The following STXBP5L variants were observed in gnomAD, a reference collection of about 807,000 sequenced individuals.
STXBP5L encodes syntaxin-binding protein 5-like.
In STXBP5L, 65 loss-of-function variants were observed where a neutral mutation model predicts 144.5. The ratio of observed to expected loss-of-function variants is 0.45; its 90% CI spans 0.37 to 0.55. The LOEUF is 0.55. STXBP5L is among the 20% of genes least tolerant of loss of function. The pLI, the probability that STXBP5L is intolerant of heterozygous loss-of-function variation, is 0.00. For synonymous variants in STXBP5L, 505 were observed against 469.6 expected, an observed-to-expected ratio of 1.08 and a Z score of -0.97; for missense variants, 1,298 against 1,405.5, an observed-to-expected ratio of 0.92 and a Z score of 1.22.
chr3:121,147,777 A>T (rs74382516), intron 7 of STXBP5L, among the ~76,000 whole-genome samples: 15,161 of 152,218 alleles, frequency 0.1, 953 homozygotes, highest in Non-Finnish European at 0.14. Flanking sequence ...GGTCTCATCA[A>T]TCAGCTGAAG....
intron 3 of STXBP5L, among the ~76,000 whole-genome samples, chr3:120,998,493 A>G (rs1210282648): frequency 6.6e-6 from 1 of 152,032 alleles, no homozygotes; most frequent in African/African-American, 2.4e-5. Flanking sequence ...TCAACCCATC[A>G]TCTACATTAG....
At chr3:121,401,410 C>T (rs961605634) in intron 22 of STXBP5L, among the ~76,000 whole-genome samples, 2 of 150,046 alleles carry the variant, frequency 1.3e-5, no homozygotes, top group Admixed American at 6.7e-5. Context: ...ACCCAAAGGA[C>T]TATAAATCAT....
intron 3 of STXBP5L, among the ~76,000 whole-genome samples, chr3:120,964,409 T>C (rs1292589391): frequency 6.6e-6 from 1 of 152,224 alleles, no homozygotes; most frequent in Non-Finnish European, 1.5e-5. Flanking sequence ...TTGTGGGCTT[T>C]TAGTGCTATA....
chr3:121,134,902 A>G (rs2045173305), intron 7 of STXBP5L, among the ~76,000 whole-genome samples: 1 of 152,166 alleles, frequency 6.6e-6, no homozygotes, highest in Admixed American at 6.5e-5. Flanking sequence ...ATGATTTATA[A>G]TCCTTTGGGT....
At chr3:121,202,534 ACTTT>A (rs1187969118) in intron 9 of STXBP5L, among the ~76,000 whole-genome samples, 5 of 152,118 alleles carry the variant, frequency 3.3e-5, no homozygotes, top group African/African-American at 1.2e-4. Context: ...TTGCTGGGTC[ACTTT>A]CTTTCAGCCT....
At chr3:121,194,432 G>A (rs1016129965) in intron 9 of STXBP5L, among the ~76,000 whole-genome samples, 1 of 59,798 alleles carries the variant, frequency 1.7e-5, no homozygotes, top group African/African-American at 7.1e-5. Flanking sequence ...TGCTTTTTGA[G>A]GCCTAGGCAG....
chr3:121,035,775 A>G (rs772943287), intron 3 of STXBP5L, among the ~76,000 whole-genome samples: 1 of 152,114 alleles, frequency 6.6e-6, no homozygotes, highest in Non-Finnish European at 1.5e-5. Flanking sequence ...ATTGCATTGA[A>G]TCTGTAGATT....
intron 3 of STXBP5L, among the ~76,000 whole-genome samples, chr3:121,034,098 G>A (rs1946579740): frequency 6.6e-6 from 1 of 152,040 alleles, no homozygotes; most frequent in African/African-American, 2.4e-5. Flanking sequence ...ATGGAGGTTA[G>A]TGATATAAAC....
At chr3:120,947,290 C>A (rs185814751) in intron 2 of STXBP5L, among the ~76,000 whole-genome samples, 1 of 151,906 alleles carries the variant, frequency 6.6e-6, no homozygotes, top group African/African-American at 2.4e-5. Flanking sequence ...AAACTCTGTT[C>A]TACATTTTCT....
rs867018788 is a variant in STXBP5L, at chr3:121,115,151, A to G, written c.605+92A>G. 7.7e-5 allele frequency: 93 copies of G among 1,208,600 alleles called. 1 individual carries two copies. The highest frequency in any genetic ancestry group is 7.1e-4 in the South Asian group (44 of 61,904). The allele number at this position is 1,208,600 out of a possible 1,614,324, so 74.9% of individuals were successfully genotyped here. On this transcript the variant is annotated intron_variant, in intron 6 of 26. Coordinates refer to ENST00000471454, the MANE Select transcript of STXBP5L (RefSeq NM_001308330.2). The stretch of plus-strand genomic sequence containing the variant: ...CAAATTACAGTTATTTGATACGTCT[A>G]TTACTAATTTATAATGAATTTGAGT...
chr3:121,234,396 A>G (rs936247243), intron 12 of STXBP5L, among the ~76,000 whole-genome samples: 4 of 152,136 alleles, frequency 2.6e-5, no homozygotes, highest in Non-Finnish European at 5.9e-5. Flanking sequence ...CAAGTCAGAT[A>G]TCACTTCCTT....
intron 7 of STXBP5L, among the ~76,000 whole-genome samples, chr3:121,136,691 C>A (rs1238927093): frequency 6.6e-6 from 1 of 152,142 alleles, no homozygotes; most frequent in Non-Finnish European, 1.5e-5. Flanking sequence ...GAACTGAAAG[C>A]AGAGCTACCA....
At chr3:121,237,193 A>G (rs1226428285) in intron 12 of STXBP5L, among the ~76,000 whole-genome samples, 2 of 152,126 alleles carry the variant, frequency 1.3e-5, no homozygotes, top group South Asian at 2.1e-4. Context: ...TTTTTGATAT[A>G]TCCTCTGATA....
At chr3:120,959,802 C>G (rs1005305820) in intron 3 of STXBP5L, among the ~76,000 whole-genome samples, 1 of 152,100 alleles carries the variant, frequency 6.6e-6, no homozygotes, top group Non-Finnish European at 1.5e-5. Context: ...CATAAAAACC[C>G]TAGAAGAAAA....
intron 10 of STXBP5L, among the ~76,000 whole-genome samples, chr3:121,220,876 T>C (rs193202431): frequency 1.3e-5 from 2 of 152,138 alleles, no homozygotes; most frequent in Admixed American, 1.3e-4. Flanking sequence ...AGTACTTTCT[T>C]CATCAAGGTT....
intron 20 of STXBP5L, among the ~76,000 whole-genome samples, chr3:121,360,768 A>AT (rs2045689326): frequency 6.6e-6 from 1 of 152,088 alleles, no homozygotes; most frequent in Admixed American, 6.5e-5. Flanking sequence ...AGTTGTAGTT[A>AT]TTATTTTTTA....
At chr3:121,163,378 C>T (rs1482248481) in intron 9 of STXBP5L, among the ~76,000 whole-genome samples, 3 of 151,708 alleles carry the variant, frequency 2.0e-5, no homozygotes, top group African/African-American at 4.8e-5. Context: ...GCAGTGAGAA[C>T]ACATGGACAC....
chr3:121,254,694 G>A (rs1018643747), intron 15 of STXBP5L, among the ~76,000 whole-genome samples: 1 of 152,132 alleles, frequency 6.6e-6, no homozygotes, highest in Non-Finnish European at 1.5e-5. Flanking sequence ...TTCAAGGAAT[G>A]TTTATTTTTT....
At chr3:120,998,121 ACAT>A (rs1402163280) in intron 3 of STXBP5L, among the ~76,000 whole-genome samples, 3 of 152,152 alleles carry the variant, frequency 2.0e-5, no homozygotes, top group Admixed American at 2.0e-4. Context: ...CCCACAGCCA[ACAT>A]CATACTGAAT....
Sources: allele counts gnomAD v4.1 joint callset (sites outside exome capture counted in the v4.1 genomes callset), GRCh38; gene constraint gnomAD v4.1.1; transcripts MANE v1.5; gene names NCBI Gene and HGNC (gene_info 2026-07-23, HGNC 2026-07-21).